The following INO80 variants were observed in gnomAD, a reference collection of about 807,000 sequenced individuals.
The protein encoded by INO80 is INO80 complex ATPase subunit.
In INO80, 20 loss-of-function variants were observed where a neutral mutation model predicts 203.4. The observed-to-expected ratio is 0.10, with a 90% CI of 0.07 to 0.14. INO80 has a LOEUF of 0.14. Ranked by LOEUF, INO80 falls within the 10% of genes least tolerant of loss-of-function variation. The pLI is 1.00. For missense variants in INO80, 1,419 were observed against 1,914.4 expected, an observed-to-expected ratio of 0.74 and a Z score of 4.83; for synonymous variants, 726 against 685.2, an observed-to-expected ratio of 1.06 and a Z score of -0.93.
At chr15:41,003,702 C>A (rs1048355856) in intron 28 of INO80, among the ~76,000 whole-genome samples, 3 of 152,140 alleles carry the variant, frequency 2.0e-5, no homozygotes, top group Admixed American at 1.3e-4. Context: ...AAGTCCCCAA[C>A]TGTTACTGAA....
chr15:41,058,586 T>G, intron 16 of INO80, 53 bp downstream of exon 16: 2 of 1,414,874 alleles, frequency 1.4e-6, no homozygotes, highest in Non-Finnish European at 2.0e-6. Context: ...TGTGTGTGTG[T>G]GTGTGTGTAC....
intron 24 of INO80, among the ~76,000 whole-genome samples, chr15:41,028,989 G>C (rs922604432): frequency 2.0e-5 from 3 of 152,200 alleles, no homozygotes; most frequent in African/African-American, 7.2e-5. Flanking sequence ...TTCTATATAA[G>C]AAATGCAGAA....
At chr15:41,023,552 T>G (rs2044327406) in intron 25 of INO80, among the ~76,000 whole-genome samples, 1 of 151,924 alleles carries the variant, frequency 6.6e-6, no homozygotes, top group South Asian at 2.1e-4. Context: ...GTGAATCACC[T>G]GAGGTCAGGA....
intron 19 of INO80, 65 bp from the exon 20 acceptor site, chr15:41,050,167 A>C: frequency 3.5e-6 from 4 of 1,140,724 alleles, no homozygotes; most frequent in Non-Finnish European, 3.9e-6. Context: ...GCATCAGCTT[A>C]AAGTTGAAAA....
intron 27 of INO80, among the ~76,000 whole-genome samples, chr15:41,008,503 T>C (rs1487478002): frequency 1.3e-5 from 2 of 152,212 alleles, no homozygotes; most frequent in Non-Finnish European, 2.9e-5. Context: ...AGATCTAATG[T>C]ACATCATGGT....
At chr15:40,997,442 CA>C in intron 29 of INO80, 86 bp downstream of exon 29, 2 of 886,056 alleles carry the variant, frequency 2.3e-6, no homozygotes, top group South Asian at 2.8e-5. Flanking sequence ...AAGGGTAAAA[CA>C]AACAATGCCA....
chr15:41,042,737 G>A (rs576118903), intron 24 of INO80, among the ~76,000 whole-genome samples: 1 of 152,292 alleles, frequency 6.6e-6, no homozygotes, highest in African/African-American at 2.4e-5. Context: ...GACTCAAAAA[G>A]TGCTGGGATT....
intron 27 of INO80, among the ~76,000 whole-genome samples, chr15:41,013,573 G>C (rs917671457): frequency 5.9e-5 from 9 of 152,222 alleles, no homozygotes; most frequent in African/African-American, 2.2e-4. Context: ...TAAACACTTT[G>C]GGCATTGTAA....
intron 5 of INO80, among the ~76,000 whole-genome samples, chr15:41,090,836 C>CT (rs11323254): frequency 2.0e-4 from 29 of 145,272 alleles, no homozygotes; most frequent in South Asian, 4.4e-4. Flanking sequence ...AATGATGTAT[C>CT]TTTTTTTTTT....
Position 41,070,447 on chromosome 15 carries a change from G to C in INO80, c.1686+20C>G. ...CCTAAATTCTAGAGAAATGAAGATA[G>C]AAAGATTGCATCTACCCACCTCAGC... On this transcript the variant is annotated intron_variant, in intron 13 of 35. Coordinates refer to ENST00000648947, the MANE Select transcript of INO80 (RefSeq NM_017553.3). 1 of 1,597,950 alleles carries C rather than the reference G, an allele frequency of 6.3e-7. No individual in the cohort carries two copies. The highest frequency in any genetic ancestry group is 8.6e-7 in the Non-Finnish European group (1 of 1,165,546).
intron 1 of INO80, among the ~76,000 whole-genome samples, chr15:41,114,393 G>A (rs997796756): frequency 6.6e-6 from 1 of 152,012 alleles, no homozygotes; most frequent in African/African-American, 2.4e-5. Context: ...AATGCAACTA[G>A]AACAGAATAT....
intron 24 of INO80, among the ~76,000 whole-genome samples, chr15:41,030,906 A>AAG (rs1381007330): frequency 2.0e-5 from 3 of 148,724 alleles, no homozygotes; most frequent in Non-Finnish European, 4.5e-5. Flanking sequence ...TCCTGACCTC[A>AAG]TGATCCGTCC....
chr15:41,091,602 A>G (rs1000155989), intron 5 of INO80, among the ~76,000 whole-genome samples: 1 of 143,620 alleles, frequency 7.0e-6, no homozygotes, highest in Non-Finnish European at 1.5e-5. Context: ...TCCCACTTAC[A>G]CTCACTACTG....
Position 41,050,057 on chromosome 15 carries a change from G to C in INO80, c.2320C>G (p.Leu774Val). 3 of 1,613,712 alleles carry C rather than the reference G, an allele frequency of 1.9e-6. No individual in the cohort carries two copies. Among genetic ancestry groups the C allele is most frequent in the Non-Finnish European group, 2.5e-6 (3 of 1,179,622 alleles). ...YCQLTSRQKL[L>V]YQALKNKISI... ...ATTTTGTTCTTTAGTGCCTGATATAGCAGCTTCTGTCGGCTGGTCAGTTGG... is the reference window on the plus strand; with the variant it reads ...ATTTTGTTCTTTAGTGCCTGATATACCAGCTTCTGTCGGCTGGTCAGTTGG... The change falls in exon 20 of 36, where the codon CTA (leucine) becomes GTA (valine). Residue 774 changes from leucine to valine, a missense_variant. Physicochemically the swap from Leu to Val is conservative, Grantham distance 32 (BLOSUM62 1). Around this residue, in one of 9 missense-constraint regions of INO80, gnomAD observed 192 missense variants for 406.7 expected, o/e 0.47. Coordinates refer to ENST00000648947, the MANE Select transcript of INO80 (RefSeq NM_017553.3).
rs74014732 is a variant in INO80 at position 40,992,220 on chromosome 15, C to A, written c.3571-4246G>T. Among the ~76,000 whole-genome samples the A allele has an allele frequency of 2.0e-5, 3 of 152,318 alleles. No individual in the cohort carries two copies. The East Asian group carries it at 5.8e-4, about 29-fold the overall frequency. On this transcript the variant is annotated intron_variant, in intron 29 of 35. Coordinates refer to ENST00000648947, the MANE Select transcript of INO80 (RefSeq NM_017553.3). ...CCTGTGAGACAGGACTTCTTGAATC[C>A]CTGCAAAGGGAGAAAAGCTCTTCAT... is the stretch of plus-strand genomic sequence containing the variant.
At chr15:41,062,759 C>A (rs949076774) in intron 14 of INO80, among the ~76,000 whole-genome samples, 3 of 152,190 alleles carry the variant, frequency 2.0e-5, no homozygotes, top group Non-Finnish European at 4.4e-5. Context: ...GCCTTCCAAT[C>A]TGGAGTGATG....
intron 11 of INO80, among the ~76,000 whole-genome samples, chr15:41,072,616 G>A (rs1291073258): frequency 6.9e-6 from 1 of 144,638 alleles, no homozygotes; most frequent in Non-Finnish European, 1.5e-5. Flanking sequence ...CTACTCAGGA[G>A]GGTGACAAAG....
intron 29 of INO80, among the ~76,000 whole-genome samples, chr15:40,996,211 T>TA (rs1177987215): frequency 1.3e-5 from 2 of 152,248 alleles, no homozygotes; most frequent in African/African-American, 4.8e-5. Flanking sequence ...GTGCCATTTT[T>TA]AGAGTCATGC....
chr15:40,997,531 T>A lies in INO80; in HGVS notation c.3568A>T (p.Thr1190Ser). The change falls in exon 29 of 36, where the codon ACA becomes TCA. Residue 1190 changes from threonine (T) to serine (S), a missense_variant and splice_region_variant. Physicochemically the swap from Thr to Ser is moderately conservative, Grantham distance 58. This residue lies in a region of INO80 where 65 missense variants were observed against 186.7 expected (regional missense o/e 0.35). Coordinates refer to ENST00000648947, the MANE Select transcript of INO80 (RefSeq NM_017553.3). Reference protein sequence around the residue: ...GLGINLTAADTVIFYDSDWNP... With the variant: ...GLGINLTAADSVIFYDSDWNP... ...TTGATTGTGCTCTCATTACTTACTG[T>A]GTCTGCAGCAGTGAGATTGATACCC... is the stretch of plus-strand genomic sequence containing the variant. 6.3e-7 allele frequency: 1 copy of A among 1,599,062 alleles called. No homozygotes were observed. The highest frequency in any genetic ancestry group is 8.6e-7 in the Non-Finnish European group (1 of 1,166,348).
Sources: gnomAD v4.1 joint callset for allele counts (sites outside exome capture counted in the v4.1 genomes callset) on GRCh38, gnomAD v4.1.1 for gene constraint, gnomAD v4.1.1 regional missense constraint, MANE v1.5 for transcripts, NCBI Gene and HGNC (gene_info 2026-07-23, HGNC 2026-07-21) for gene names.